Variants in KLHL22 observed in about 807,000 individuals in gnomAD.
KLHL22 encodes kelch like family member 22.
A neutral mutation model predicts 60.7 loss-of-function variants in KLHL22; 18 were observed. The observed-to-expected ratio is 0.30, with a 90% CI of 0.20 to 0.44. KLHL22 has a LOEUF of 0.44. KLHL22 is among the 20% of genes least tolerant of loss of function. KLHL22 has a pLI of 1.00. For synonymous variants in KLHL22, 355 were observed against 354.5 expected (o/e 1.00, Z -0.01); for missense variants, 596 against 852.3 (o/e 0.70, Z 3.74).
At position 20,495,096 on chromosome 22, in the gene KLHL22, C is replaced by T. The variant is rs2146301004; in HGVS notation, c.-34+664G>A. On this transcript the variant is annotated intron_variant, in intron 1 of 6. Coordinates refer to ENST00000328879, the MANE Select transcript of KLHL22 (RefSeq NM_032775.4). The surrounding 1 kb of genome is among the most constrained non-coding windows in gnomAD (Gnocchi z 4.6). ...GCCGTCTTGGAGGCACTCGGCCCCG[C>T]GGAGGGCCGGAGCGAGGGCGCCCAG... 6.6e-6 allele frequency among the ~76,000 whole-genome samples: 1 copy of T among 152,332 alleles called. No homozygotes were observed. The highest frequency in any genetic ancestry group is 2.1e-4 in the South Asian group (1 of 4,834).
At chr22:20,447,988 G>A (rs778414904) in intron 5 of KLHL22, among the ~76,000 whole-genome samples, 11 of 152,136 alleles carry the variant, frequency 7.2e-5, no homozygotes, top group East Asian at 3.8e-4. Context: ...GGATGCTGAC[G>A]TGGACACAGC....
At chr22:20,451,178 A>G (rs1188312998) in intron 5 of KLHL22, 1 of 1,593,470 alleles carries the variant, frequency 6.3e-7, no homozygotes, top group Non-Finnish European at 8.6e-7. Flanking sequence ...TACACAGCAG[A>G]TGAGGATGGG....
Position 20,441,990 on chromosome 22 carries a change from T to G in KLHL22, c.*83A>C. 5.8e-6 allele frequency: 8 copies of G among 1,368,452 alleles called. No individual in the cohort carries two copies. In the Admixed American group the frequency reaches 8.3e-5, roughly 14 times the overall value. 84.8% of individuals were successfully genotyped at this position (1,368,452 alleles called of 1,614,324 possible). ...ACAGGGGCAGGGGCCCTGCCTGGAG[T>G]AAAGTGCTCTGGCCTAGGCTGCGTG... On this transcript the variant is annotated 3_prime_UTR_variant, in exon 7 of 7. Transcript: ENST00000328879.
In KLHL22 at chr22:20,487,511, C is replaced by T. The variant is rs563193165; in HGVS notation, c.227+1474G>A. Among the ~76,000 whole-genome samples the T allele has an allele frequency of 2.5e-3, 385 of 152,134 alleles. 3 individuals are homozygous for T. Among genetic ancestry groups the T allele is most frequent in the African/African-American group, 8.4e-3 (347 of 41,486 alleles). ...TGCTGGGATTACAGGTGTGAGCCACCGTGACTGGCCTCTATTTCTTATTTA... is the reference window on the plus strand; with the variant it reads ...TGCTGGGATTACAGGTGTGAGCCACTGTGACTGGCCTCTATTTCTTATTTA... On this transcript the variant is annotated intron_variant, in intron 2 of 6. Transcript: ENST00000328879.
chr22:20,458,095 C>T (rs2053092546), intron 4 of KLHL22, 95 bp from the exon 5 acceptor site: 1 of 1,398,484 alleles, frequency 7.2e-7, no homozygotes, highest in African/African-American at 1.4e-5. Context: ...TCTGCTTTGC[C>T]TCAGCCCAGC....
At chr22:20,494,079 C>CG (rs1023519657) in intron 1 of KLHL22, among the ~76,000 whole-genome samples, 2 of 144,992 alleles carry the variant, frequency 1.4e-5, no homozygotes, top group African/African-American at 2.6e-5. Context: ...ACTTTGCCCC[C>CG]CCCCCAAAAA....
Position 20,451,405 on chromosome 22 carries a change from T to C in KLHL22, c.1306-4729A>G, listed in dbSNP as rs566756338. The C allele has an allele frequency of 8.9e-5, 143 of 1,610,136 alleles. 2 individuals are homozygous for C. In the Middle Eastern group the frequency reaches 1.8e-3, roughly 20 times the overall value. ...CGTAGTGGCCAGTGGAGTGATCCAC[T>C]GTCTAGGAGGATATGACGGCTTGAA... On this transcript the variant is annotated intron_variant, in intron 5 of 6. Coordinates refer to ENST00000328879, the MANE Select transcript of KLHL22 (RefSeq NM_032775.4).
chr22:20,455,767 C>T (rs361988), intron 5 of KLHL22, among the ~76,000 whole-genome samples: 96,350 of 151,990 alleles, frequency 0.63, 30,725 homozygotes, highest in Admixed American at 0.74. Flanking sequence ...ATTTAAGATG[C>T]TAATGAGACA....
chr22:20,482,819 T>C, intron 2 of KLHL22: 1 of 1,257,926 alleles, frequency 7.9e-7, no homozygotes, highest in Admixed American at 1.7e-5. Context: ...GGTGGCTTAA[T>C]GTCTCAGAAC....
intron 5 of KLHL22, among the ~76,000 whole-genome samples, 175 bp from the exon 6 acceptor site, chr22:20,446,851 T>G (rs920455739): frequency 6.6e-6 from 1 of 152,252 alleles, no homozygotes. Context: ...CATACTGTCC[T>G]AGTCATTGAC....
chr22:20,451,066 T>C, intron 5 of KLHL22: 2 of 1,475,968 alleles, frequency 1.4e-6, no homozygotes, highest in Non-Finnish European at 1.9e-6. Context: ...AAGCATCACT[T>C]GTAAGAGATG....
intron 4 of KLHL22, among the ~76,000 whole-genome samples, chr22:20,459,521 A>G (rs956014194): frequency 6.6e-6 from 1 of 152,192 alleles, no homozygotes; most frequent in African/African-American, 2.4e-5. Flanking sequence ...CAATGAGGTG[A>G]TATCACCTGC....
rs372039881 is a variant in KLHL22, at chr22:20,444,032, C to T, written c.1540-1594G>A. Among the ~76,000 whole-genome samples, 48 of 108,746 alleles carry T rather than the reference C, an allele frequency of 4.4e-4. No individual in the cohort carries two copies. The East Asian group carries it at 9.1e-3, about 21-fold the overall frequency. The allele number at this position is 108,746 out of a possible 152,430, so 71.3% of individuals were successfully genotyped here. A position where few individuals can be genotyped will look rare whatever the true frequency, so the allele number is the denominator to read the frequency against. On this transcript the variant is annotated intron_variant, in intron 6 of 6. Transcript: ENST00000328879. ...CACCAGTGCCCCCCAGCCTGGGTGA[C>T]AAAGCAAGACTCCATCTCATAAAAA...
At chr22:20,480,653 A>G (rs73384283) in intron 2 of KLHL22, among the ~76,000 whole-genome samples, 5,417 of 152,220 alleles carry the variant, frequency 0.036, 316 homozygotes, top group African/African-American at 0.12. Flanking sequence ...TACTGTACAC[A>G]TGCCACATAG....
intron 4 of KLHL22, among the ~76,000 whole-genome samples, chr22:20,458,273 CTTTTTTT>C (rs35379911): frequency 1.3e-5 from 1 of 76,488 alleles, no homozygotes; most frequent in African/African-American, 5.8e-5. Flanking sequence ...TCCAATGGCT[CTTTTTTT>C]TTTTTTTTTT....
Position 20,479,711 on chromosome 22 carries a change from C to CA in KLHL22, c.228-8197dup, listed in dbSNP as rs1398493329. ...ATCCTGTCTCAAAAAACAAAACAAACAAAAAACCAGAAAATAACAAGCTTT... is the reference window on the plus strand; with the variant it reads ...ATCCTGTCTCAAAAAACAAAACAAACAAAAAAACCAGAAAATAACAAGCTTT... On this transcript the variant is annotated intron_variant, in intron 2 of 6. Transcript: ENST00000328879. Among the ~76,000 whole-genome samples, 5 of 152,202 alleles carry CA rather than the reference C, an allele frequency of 3.3e-5. No individual in the cohort carries two copies. The East Asian group carries it at 9.6e-4, about 29-fold the overall frequency.
At chr22:20,475,115 T>C (rs1462045125) in intron 2 of KLHL22, 1 of 152,178 alleles carries the variant, frequency 6.6e-6, no homozygotes, top group African/African-American at 2.4e-5. Context: ...AAATCTGCCC[T>C]TTCTTTGATG....
At chr22:20,464,134 G>C (rs165630) in intron 4 of KLHL22, among the ~76,000 whole-genome samples, 81,402 of 152,040 alleles carry the variant, frequency 0.54, 23,340 homozygotes, top group Admixed American at 0.67. Flanking sequence ...GCTCTGCCCA[G>C]AAATGGATTT....
chr22:20,493,540 G>A (rs1033470083), intron 1 of KLHL22, among the ~76,000 whole-genome samples: 3 of 152,224 alleles, frequency 2.0e-5, no homozygotes, highest in Admixed American at 6.5e-5. Flanking sequence ...CCAACACTTC[G>A]GGAGGCTGAG....
Sources: gnomAD v4.1 joint callset for allele counts (sites outside exome capture counted in the v4.1 genomes callset) on GRCh38, gnomAD v4.1.1 for gene constraint, Gnocchi (gnomAD v3.1) non-coding constraint, MANE v1.5 for transcripts, NCBI Gene and HGNC (gene_info 2026-07-23, HGNC 2026-07-21) for gene names.